CBL: variants seen among roughly 807,000 people sequenced by gnomAD.
CBL encodes Cbl proto-oncogene.
CBL carries 45 observed loss-of-function variants against 96.9 expected under a neutral mutation model. The observed-to-expected ratio is 0.46, with a 90% CI of 0.37 to 0.60. The LOEUF (loss-of-function observed/expected upper bound fraction) is 0.60. Among genes scored for constraint, CBL ranks in the 20% least tolerant of loss-of-function variants. CBL has a pLI of 0.00. For missense variants in CBL, 1,024 were observed against 1,143.5 expected, an observed-to-expected ratio of 0.90 and a Z score of 1.51; for synonymous variants, 420 against 426.8, an observed-to-expected ratio of 0.98 and a Z score of 0.20.
intron 4 of CBL, 79 bp from the exon 5 acceptor site, chr11:119,274,753 G>GTT (rs367590251): frequency 6.6e-4 from 710 of 1,074,592 alleles, no homozygotes; most frequent in Middle Eastern, 8.6e-4. Context: ...AGTTGGTGTT[G>GTT]TTTTTTTTTT....
At chr11:119,219,937 C>T (rs1196393394) in intron 1 of CBL, among the ~76,000 whole-genome samples, 1 of 151,676 alleles carries the variant, frequency 6.6e-6, no homozygotes, top group South Asian at 2.1e-4. Flanking sequence ...GCAACCTCCG[C>T]CTCCCGGGTT....
chr11:119,297,266 A>G, intron 13 of CBL, 118 bp from the exon 14 acceptor site: 2 of 877,822 alleles, frequency 2.3e-6, no homozygotes, highest in Non-Finnish European at 3.8e-6. Context: ...AACTTGCCAC[A>G]AGAGTCAACT....
Position 119,278,526 on chromosome 11 carries a change from G to T in CBL, c.1244G>T (p.Gly415Val), listed in dbSNP as rs1388592245. The T allele has an allele frequency of 1.2e-6, 2 of 1,613,886 alleles. No homozygotes were observed. Among genetic ancestry groups the T allele is most frequent in the African/African-American group, 1.3e-5 (1 of 74,910 alleles). ...CTTCTGCAGGAATCAGAAGGTCAGG[G>T]CTGTCCTTTCTGCCGATGTGAAATT... ...LTSWQESEGQ[G>V]CPFCRCEIKG... is the part of the protein sequence containing the mutation. Residue 415 changes from glycine to valine, a missense_variant, in exon 9 of 16, where the codon GGC (glycine) becomes GTC (valine). Coordinates refer to ENST00000264033, the MANE Select transcript of CBL (RefSeq NM_005188.4).
rs1376519623 is a variant in CBL, at chr11:119,223,194, T to C, written c.196-9254T>C. On this transcript the variant is annotated intron_variant, in intron 1 of 15. Coordinates refer to ENST00000264033, the MANE Select transcript of CBL (RefSeq NM_005188.4). Reference sequence around the variant, plus strand: ...CACCCCACACCCTTCCTTTTTTTTTTTTTTTTTTTTTTTTTTTTTTAAAGA... The same window carrying C: ...CACCCCACACCCTTCCTTTTTTTTTCTTTTTTTTTTTTTTTTTTTTAAAGA... Among the ~76,000 whole-genome samples, 5 of 140,808 alleles carry C rather than the reference T, an allele frequency of 3.6e-5. No individual in the cohort carries two copies. The East Asian group carries it at 1.0e-3, about 29-fold the overall frequency. The allele number at this position is 140,808 out of a possible 152,430, so 92.4% of individuals were successfully genotyped here.
intron 1 of CBL, among the ~76,000 whole-genome samples, chr11:119,219,849 A>ATT (rs550380245): frequency 8.5e-6 from 1 of 117,870 alleles, no homozygotes. Context: ...ACGCCCGACT[A>ATT]TTTTTTTTTT....
rs142183037 is a variant in CBL, at chr11:119,307,730, C to A, written c.*7949C>A. 9.1e-4 allele frequency: 203 copies of A among 222,604 alleles called. No individual in the cohort carries two copies. Among genetic ancestry groups the A allele is most frequent in the African/African-American group, 2.6e-3 (117 of 44,864 alleles). The allele number at this position is 222,604 out of a possible 1,614,324, so 13.8% of individuals were successfully genotyped here. On this transcript the variant is annotated 3_prime_UTR_variant, in exon 16 of 16. Transcript: ENST00000264033. ...CCTCCTTATTCAAGATTTTGAAATT[C>A]TTAGCCTGGGAGTGCTGGAGAGAAC...
In CBL at chr11:119,210,970, G is replaced by A. The variant is rs552892693; in HGVS notation, c.195+4358G>A. 2.4e-3 allele frequency among the ~76,000 whole-genome samples: 360 copies of A among 152,156 alleles called. 1 individual carries two copies. The highest frequency in any genetic ancestry group is 8.4e-3 in the African/African-American group (350 of 41,506). On this transcript the variant is annotated intron_variant, in intron 1 of 15. Coordinates refer to ENST00000264033, the MANE Select transcript of CBL (RefSeq NM_005188.4). ...CCTATACATACCTACCTATGATAAA[G>A]CTTAATTTATAAATTAGGCACAGTG...
chr11:119,226,018 C>T (rs753459255), intron 1 of CBL, among the ~76,000 whole-genome samples: 18 of 152,158 alleles, frequency 1.2e-4, no homozygotes, highest in South Asian at 4.1e-4. Flanking sequence ...CATGAGCCAC[C>T]GCATCTGGCC....
chr11:119,306,111 A>G lies in CBL; in HGVS notation c.*6330A>G. 1 of 396,006 alleles carries G rather than the reference A, an allele frequency of 2.5e-6. No homozygotes were observed. The highest frequency in any genetic ancestry group is 4.4e-6 in the Non-Finnish European group (1 of 224,912). 24.5% of individuals were successfully genotyped at this position (396,006 alleles called of 1,614,324 possible). On this transcript the variant is annotated 3_prime_UTR_variant, in exon 16 of 16. Transcript: ENST00000264033. ...CTGGAAAGTAGCAAAAGAGTAGGAG[A>G]TGGGGAAATAGGGATGGGGAGAGCA...
intron 2 of CBL, among the ~76,000 whole-genome samples, chr11:119,250,944 C>G (rs1224530581): frequency 1.3e-5 from 2 of 152,148 alleles, no homozygotes; most frequent in African/African-American, 4.8e-5. Context: ...GAGCAAGACT[C>G]TGTCTCAAAA....
chr11:119,306,391 GC>G lies in CBL; in HGVS notation c.*6615del. ...GTCCCAAAAATGAATGTCAGGCCCC[GC>G]CCCCTCCCCACCAACATTGCCTCTC... On this transcript the variant is annotated 3_prime_UTR_variant, in exon 16 of 16. Coordinates refer to ENST00000264033, the MANE Select transcript of CBL (RefSeq NM_005188.4). 1 of 395,272 alleles carries G rather than the reference GC, an allele frequency of 2.5e-6. No individual in the cohort carries two copies. The highest frequency in any genetic ancestry group is 4.4e-6 in the Non-Finnish European group (1 of 225,392). 24.5% of individuals were successfully genotyped at this position (395,272 alleles called of 1,614,324 possible).
chr11:119,265,462 A>G (rs1949794575), intron 2 of CBL, among the ~76,000 whole-genome samples: 1 of 152,240 alleles, frequency 6.6e-6, no homozygotes, highest in Admixed American at 6.5e-5. Context: ...TAAATTCCCT[A>G]AGACATAAAT....
intron 2 of CBL, among the ~76,000 whole-genome samples, chr11:119,260,426 T>C (rs921705240): frequency 6.6e-6 from 1 of 152,020 alleles, no homozygotes; most frequent in Non-Finnish European, 1.5e-5. Flanking sequence ...GTATTTTTAG[T>C]AGAGATGGGG....
chr11:119,235,984 A>T (rs1241051938), intron 2 of CBL, among the ~76,000 whole-genome samples: 2 of 152,186 alleles, frequency 1.3e-5, no homozygotes, highest in Admixed American at 6.5e-5. Flanking sequence ...AGGGAAAAAT[A>T]TATAGGGTTT....
chr11:119,256,697 T>G (rs1949714226), intron 2 of CBL, among the ~76,000 whole-genome samples: 1 of 151,882 alleles, frequency 6.6e-6, no homozygotes. Context: ...TTTTTTTTTT[T>G]TTTTAATCCC....
chr11:119,250,451 G>A (rs1021454955), intron 2 of CBL, among the ~76,000 whole-genome samples: 1 of 152,070 alleles, frequency 6.6e-6, no homozygotes, highest in Admixed American at 6.6e-5. Flanking sequence ...CTTGTATTTT[G>A]CACTGTGAAC....
At chr11:119,281,442 T>C (rs1949932333) in intron 9 of CBL, among the ~76,000 whole-genome samples, 1 of 152,052 alleles carries the variant, frequency 6.6e-6, no homozygotes, top group Non-Finnish European at 1.5e-5. Flanking sequence ...GACTTCTAGC[T>C]TCTAATGTAT....
At position 119,243,533 on chromosome 11, in the gene CBL, T is replaced by G. The variant is rs200866736; in HGVS notation, c.443+10838T>G. Among the ~76,000 whole-genome samples the G allele has an allele frequency of 3.4e-4, 51 of 150,748 alleles. No individual in the cohort carries two copies. The East Asian group carries it at 9.4e-3, about 28-fold the overall frequency. On this transcript the variant is annotated intron_variant, in intron 2 of 15. Transcript: ENST00000264033. ...AAAAAAAATTTTTTTTTTTTTTTTT[T>G]GCTGATGAAGAGTAACGATATGACA...
chr11:119,232,767 T>A (rs1949514146), intron 2 of CBL, 72 bp downstream of exon 2: 4 of 1,421,708 alleles, frequency 2.8e-6, no homozygotes, highest in Non-Finnish European at 3.9e-6. Flanking sequence ...ATAGAAGTAG[T>A]TGAGTTGGTT....
Sources: allele counts gnomAD v4.1 joint callset (sites outside exome capture counted in the v4.1 genomes callset), GRCh38; gene constraint gnomAD v4.1.1; transcripts MANE v1.5; gene names NCBI Gene and HGNC (gene_info 2026-07-23, HGNC 2026-07-21).